The following ACLY variants were observed in gnomAD, a reference collection of about 807,000 sequenced individuals.
ACLY encodes the protein ATP citrate lyase.
In ACLY, 41 loss-of-function variants were observed where a neutral mutation model predicts 133.0. The observed-to-expected ratio is 0.31, with a 90% CI of 0.24 to 0.40. The LOEUF (loss-of-function observed/expected upper bound fraction) is 0.40. ACLY is among the 10% of genes least tolerant of loss of function. ACLY has a pLI of 1.00. For synonymous variants in ACLY, 495 were observed against 549.3 expected (o/e 0.90, Z 1.38); for missense variants, 1,046 against 1,453.8 (o/e 0.72, Z 4.56).
chr17:41,900,546 A>G (rs2049508303), intron 11 of ACLY, among the ~76,000 whole-genome samples: 1 of 151,196 alleles, frequency 6.6e-6, no homozygotes, highest in Middle Eastern at 3.2e-3. Flanking sequence ...ACAGTGAGAC[A>G]CTATCTCACA....
chr17:41,893,035 G>T lies in ACLY; in HGVS notation c.1599C>A (p.Phe533Leu). 6.2e-7 allele frequency: 1 copy of T among 1,612,878 alleles called. No individual in the cohort carries two copies. Among genetic ancestry groups the T allele is most frequent in the Non-Finnish European group, 8.5e-7 (1 of 1,179,316 alleles). The change falls in exon 15 of 29, where the codon TTC (phenylalanine) becomes TTA (leucine). Residue 533 changes from phenylalanine to leucine, a missense_variant and splice_region_variant. Physicochemically the swap from Phe to Leu is conservative, Grantham distance 22. This residue lies in a region of ACLY where 575 missense variants were observed against 804.2 expected (regional missense o/e 0.71). Coordinates refer to ENST00000352035, the MANE Select transcript of ACLY (RefSeq NM_001096.3). ...EPSVAAMVYPFTGDHKQKFYW... is the reference protein window; with the variant it reads ...EPSVAAMVYPLTGDHKQKFYW... ...TTTCCCGCCATGGGGTAACTCACGT[G>T]AAAGGGTAGACCATGGCAGCCACTG...
chr17:41,900,881 C>G (rs2049518347), intron 11 of ACLY, among the ~76,000 whole-genome samples: 3 of 152,044 alleles, frequency 2.0e-5, no homozygotes, highest in Admixed American at 6.6e-5. Flanking sequence ...TGGGAATTTG[C>G]CCTTCCCTCT....
chr17:41,878,238 A>C, intron 21 of ACLY, 42 bp from the exon 22 acceptor site: 1 of 1,436,222 alleles, frequency 7.0e-7, no homozygotes, highest in Non-Finnish European at 9.4e-7. Context: ...GGATTTTCTT[A>C]TTTTGGGCTC....
intron 16 of ACLY, among the ~76,000 whole-genome samples, chr17:41,890,753 C>G (rs1357345598): frequency 6.9e-6 from 1 of 144,808 alleles, no homozygotes; most frequent in Non-Finnish European, 1.5e-5. Context: ...GTAATCCCAG[C>G]ACTTTGGGAG....
chr17:41,907,414 C>T, intron 7 of ACLY, 28 bp downstream of exon 7: 2 of 1,602,056 alleles, frequency 1.2e-6, no homozygotes, highest in South Asian at 1.1e-5. Flanking sequence ...TCCCCCCAGT[C>T]CCCATCTCCT....
chr17:41,913,606 T>C, intron 2 of ACLY, 109 bp downstream of exon 2: 1 of 1,203,336 alleles, frequency 8.3e-7, no homozygotes, highest in East Asian at 2.3e-5. Flanking sequence ...CAGCTGCTGC[T>C]GGCAGCCTCC....
chr17:41,893,908 T>C (rs1555629853), intron 14 of ACLY, among the ~76,000 whole-genome samples: 1 of 152,108 alleles, frequency 6.6e-6, no homozygotes, highest in Non-Finnish European at 1.5e-5. Flanking sequence ...GACCCTCCAG[T>C]GGGCACTTAA....
At chr17:41,894,534 C>T (rs998063914) in intron 14 of ACLY, among the ~76,000 whole-genome samples, 3 of 149,596 alleles carry the variant, frequency 2.0e-5, no homozygotes, top group African/African-American at 4.9e-5. Context: ...CCAGCCACCG[C>T]GGCATAGTGA....
At chr17:41,881,378 G>A (rs1040637692) in intron 20 of ACLY, among the ~76,000 whole-genome samples, 13 of 128,742 alleles carry the variant, frequency 1.0e-4, no homozygotes, top group Non-Finnish European at 1.4e-4. Context: ...AGCTGAGATC[G>A]CACCACTGCA....
At chr17:41,895,052 A>T (rs933855025) in intron 14 of ACLY, among the ~76,000 whole-genome samples, 3 of 152,136 alleles carry the variant, frequency 2.0e-5, no homozygotes, top group African/African-American at 7.2e-5. Flanking sequence ...GAGACATGAG[A>T]TCACAGAACA....
At chr17:41,908,879 G>T in intron 6 of ACLY, 110 bp downstream of exon 6, 1 of 884,736 alleles carries the variant, frequency 1.1e-6, no homozygotes, top group Non-Finnish European at 1.9e-6. Context: ...GTGCACATCT[G>T]TCTTGTGTTA....
At chr17:41,911,001 G>A (rs1355233279) in intron 3 of ACLY, among the ~76,000 whole-genome samples, 2 of 152,166 alleles carry the variant, frequency 1.3e-5, no homozygotes, top group South Asian at 2.1e-4. Flanking sequence ...GCCAGCAGAA[G>A]GAAGCAGGAT....
intron 1 of ACLY, 120 bp downstream of exon 1, chr17:41,918,760 G>A (rs2050124206): frequency 3.3e-6 from 4 of 1,201,526 alleles, no homozygotes; most frequent in South Asian, 2.7e-5. Context: ...CAAAACTTCC[G>A]AGCAGGGCGC....
At chr17:41,892,532 G>T (rs868951954) in intron 15 of ACLY, 85 bp from the exon 16 acceptor site, 6 of 1,290,716 alleles carry the variant, frequency 4.6e-6, no homozygotes, top group African/African-American at 2.9e-5. Flanking sequence ...ATTTCACCTA[G>T]AAGATAGAAA....
chr17:41,898,201 C>T (rs533557584), intron 12 of ACLY, among the ~76,000 whole-genome samples: 1 of 152,316 alleles, frequency 6.6e-6, no homozygotes, highest in Non-Finnish European at 1.5e-5. Flanking sequence ...CAACCTCCGC[C>T]TCCCAGGTTC....
intron 22 of ACLY, among the ~76,000 whole-genome samples, chr17:41,877,342 C>T (rs2144233941): frequency 6.6e-6 from 1 of 150,724 alleles, no homozygotes; most frequent in Non-Finnish European, 1.5e-5. Flanking sequence ...GGGGTTTCAC[C>T]ATGTTGGCCA....
At chr17:41,900,263 C>T (rs938373946) in intron 11 of ACLY, among the ~76,000 whole-genome samples, 11 of 145,974 alleles carry the variant, frequency 7.5e-5, no homozygotes, top group Admixed American at 2.7e-4. Context: ...CTTGGGAGGC[C>T]GAGGCAGGAG....
At chr17:41,922,314 G>A (rs1405906233), upstream of ACLY, among the ~76,000 whole-genome samples, 1 of 150,856 alleles carries the variant, frequency 6.6e-6, no homozygotes, top group East Asian at 1.9e-4. Context: ...AGGAGGCGGA[G>A]GTTGCAGTGA....
At chr17:41,916,783 T>C (rs989673205) in intron 1 of ACLY, among the ~76,000 whole-genome samples, 8 of 152,104 alleles carry the variant, frequency 5.3e-5, no homozygotes, top group South Asian at 2.1e-4. Context: ...ACAAATCCAA[T>C]TGTGCATATT....
Sources: gnomAD v4.1 joint callset for allele counts (sites outside exome capture counted in the v4.1 genomes callset) on GRCh38, gnomAD v4.1.1 for gene constraint, gnomAD v4.1.1 regional missense constraint, MANE v1.5 for transcripts, NCBI Gene and HGNC (gene_info 2026-07-23, HGNC 2026-07-21) for gene names.